The following GNA14 variants were observed in gnomAD, a reference collection of about 807,000 sequenced individuals.
GNA14 encodes the protein G protein subunit alpha 14.
Under a neutral mutation model 42.0 loss-of-function variants are expected in GNA14, and 50 were observed. The observed-to-expected ratio is 1.19, with a 90% CI of 0.95 to 1.51. The LOEUF (loss-of-function observed/expected upper bound fraction) is 1.51. GNA14 is among the 40% of genes most tolerant of loss of function. The pLI, the probability that GNA14 is intolerant of heterozygous loss-of-function variation, is 0.00. For synonymous variants in GNA14, 173 were observed against 163.1 expected, an observed-to-expected ratio of 1.06 and a Z score of -0.46; for missense variants, 473 against 446.2, an observed-to-expected ratio of 1.06 and a Z score of -0.54.
At chr9:77,645,628 G>C (rs534081411) in intron 1 of GNA14, among the ~76,000 whole-genome samples, 18 of 152,168 alleles carry the variant, frequency 1.2e-4, no homozygotes, top group African/African-American at 4.3e-4. Context: ...GAAGACCCTC[G>C]GGTCACCCTG....
At chr9:77,590,886 C>T (rs1317275054) in intron 1 of GNA14, among the ~76,000 whole-genome samples, 1 of 152,100 alleles carries the variant, frequency 6.6e-6, no homozygotes, top group Non-Finnish European at 1.5e-5. Flanking sequence ...TGACATGTCA[C>T]ACACATTAGA....
chr9:77,584,537 T>G (rs1587838488), intron 1 of GNA14, among the ~76,000 whole-genome samples: 1 of 127,206 alleles, frequency 7.9e-6, no homozygotes, highest in Non-Finnish European at 1.6e-5. Context: ...CCAACCAATA[T>G]TTCAGCTGAA....
In GNA14 at chr9:77,643,729, CAGAAAACACTAA is replaced by C. The variant is rs144314016; in HGVS notation, c.124+3929_124+3940del. ...AGGAATTTTAAATCAGTTTATGGCT[CAGAAAACACTAA>C]GGGAAACTCAAAGTAAAACATTTCT... On this transcript the variant is annotated intron_variant, in intron 1 of 6. Coordinates refer to ENST00000341700, the MANE Select transcript of GNA14 (RefSeq NM_004297.4). Among the ~76,000 whole-genome samples the C allele has an allele frequency of 4.0e-3, 611 of 152,230 alleles. 3 individuals are homozygous for C. The highest frequency in any genetic ancestry group is 0.014 in the African/African-American group (590 of 41,518).
intron 2 of GNA14, among the ~76,000 whole-genome samples, chr9:77,483,986 G>A (rs1280931996): frequency 6.6e-6 from 1 of 152,154 alleles, no homozygotes; most frequent in Non-Finnish European, 1.5e-5. Context: ...GACAAATATT[G>A]ATCAAGTCTA....
At chr9:77,478,877 T>C (rs1836486491) in intron 2 of GNA14, among the ~76,000 whole-genome samples, 1 of 152,220 alleles carries the variant, frequency 6.6e-6, no homozygotes, top group Non-Finnish European at 1.5e-5. Context: ...TGGGGTTGTT[T>C]GTTTTTTTCT....
At chr9:77,535,120 G>A (rs1837577988) in intron 1 of GNA14, among the ~76,000 whole-genome samples, 1 of 152,232 alleles carries the variant, frequency 6.6e-6, no homozygotes. Flanking sequence ...CCAGAGGACG[G>A]TGCCAGGCCC....
At chr9:77,564,335 G>T (rs898318374) in intron 1 of GNA14, among the ~76,000 whole-genome samples, 1 of 151,504 alleles carries the variant, frequency 6.6e-6, no homozygotes, top group African/African-American at 2.4e-5. Context: ...AGAGACAAGG[G>T]ATCTCTCTGT....
chr9:77,573,612 G>C (rs1014749762), intron 1 of GNA14, among the ~76,000 whole-genome samples: 1 of 152,160 alleles, frequency 6.6e-6, no homozygotes, highest in Admixed American at 6.5e-5. Flanking sequence ...AGTGGAAGGA[G>C]GGAAGGCAAA....
At chr9:77,439,126 G>A (rs547298267) in intron 2 of GNA14, among the ~76,000 whole-genome samples, 1 of 152,186 alleles carries the variant, frequency 6.6e-6, no homozygotes, top group East Asian at 1.9e-4. Flanking sequence ...GAATGGCCCA[G>A]CAAGGGTCTG....
intron 1 of GNA14, among the ~76,000 whole-genome samples, chr9:77,623,641 G>A (rs557878695): frequency 2.0e-5 from 3 of 152,160 alleles, no homozygotes; most frequent in Non-Finnish European, 2.9e-5. Context: ...AGGGTGGGGC[G>A]TTGCCTCACC....
At chr9:77,542,590 G>A (rs1564049400) in intron 1 of GNA14, among the ~76,000 whole-genome samples, 1 of 152,200 alleles carries the variant, frequency 6.6e-6, no homozygotes, top group Non-Finnish European at 1.5e-5. Flanking sequence ...CTGGGCAGCA[G>A]GTATGATGTG....
intron 1 of GNA14, among the ~76,000 whole-genome samples, chr9:77,552,955 T>G (rs1310323177): frequency 6.6e-6 from 1 of 152,170 alleles, no homozygotes; most frequent in Non-Finnish European, 1.5e-5. Context: ...CAATGAGGGT[T>G]TTCTGAAAAC....
intron 2 of GNA14, among the ~76,000 whole-genome samples, chr9:77,444,682 G>A (rs138892621): frequency 2.0e-5 from 3 of 152,256 alleles, no homozygotes; most frequent in Admixed American, 6.5e-5. Flanking sequence ...CAGCCAACAC[G>A]GTTCAGTCCC....
At chr9:77,558,798 T>C (rs1375845844) in intron 1 of GNA14, among the ~76,000 whole-genome samples, 1 of 152,042 alleles carries the variant, frequency 6.6e-6, no homozygotes, top group Non-Finnish European at 1.5e-5. Context: ...TAATAATGAT[T>C]TTCCAAGAAA....
At position 77,425,623 on chromosome 9, in the gene GNA14, C is replaced by T. The variant is rs1835441530; in HGVS notation, c.816G>A (p.Lys272=). ...NSSVILFLNK[K]DLLEEKIMYS... is the part of the protein sequence containing the mutation. ...ACATGATTTTCTCTTCCAAAAGATC[C>T]TTCTTGTTCAAGAATAAAATCACAG... The change falls in exon 6 of 7, where the codon AAG becomes AAA. Residue 272 remains lysine (K), a synonymous_variant. Transcript: ENST00000341700. 1 of 1,608,054 alleles carries T rather than the reference C, an allele frequency of 6.2e-7. No homozygotes were observed. Among genetic ancestry groups the T allele is most frequent in the Non-Finnish European group, 8.5e-7 (1 of 1,174,944 alleles).
At chr9:77,646,260 G>C (rs768041286) in intron 1 of GNA14, among the ~76,000 whole-genome samples, 33 of 152,218 alleles carry the variant, frequency 2.2e-4, no homozygotes, top group Non-Finnish European at 3.7e-4. Context: ...CCCTTTGTGA[G>C]CTCTCCAGGG....
intron 2 of GNA14, among the ~76,000 whole-genome samples, chr9:77,516,336 G>A (rs1441135786): frequency 6.6e-6 from 1 of 152,110 alleles, no homozygotes; most frequent in Non-Finnish European, 1.5e-5. Flanking sequence ...TTATTATTTG[G>A]CATTATCAGT....
At chr9:77,436,204 A>C (rs552133996) in intron 2 of GNA14, among the ~76,000 whole-genome samples, 24 of 152,264 alleles carry the variant, frequency 1.6e-4, no homozygotes, top group Admixed American at 3.3e-4. Context: ...ACCTTCAGGC[A>C]GGTAGGATCT....
At chr9:77,478,176 C>T (rs1836468041) in intron 2 of GNA14, among the ~76,000 whole-genome samples, 1 of 148,236 alleles carries the variant, frequency 6.7e-6, no homozygotes, top group Non-Finnish European at 1.5e-5. Flanking sequence ...ATCCCTCCCT[C>T]CTCCCCCCAC....
Sources: allele counts gnomAD v4.1 joint callset (sites outside exome capture counted in the v4.1 genomes callset), GRCh38; gene constraint gnomAD v4.1.1; transcripts MANE v1.5; gene names NCBI Gene and HGNC (gene_info 2026-07-23, HGNC 2026-07-21).